Variants in OFD1 observed in about 807,000 individuals in gnomAD.
OFD1 encodes centriole and centriolar satellite protein OFD1.
A neutral mutation model predicts 81.4 loss-of-function variants in OFD1; 12 were observed. The ratio of observed to expected loss-of-function variants is 0.15; its 90% CI spans 0.09 to 0.24. The LOEUF is 0.24. Ranked by LOEUF, OFD1 falls within the 10% of genes least tolerant of loss-of-function variation. The pLI is 1.00. For synonymous variants in OFD1, 256 were observed against 263.7 expected (o/e 0.97, Z 0.28); for missense variants, 685 against 733.9 (o/e 0.93, Z 0.77).
chrX:13,747,668 GGAA>G (rs1353263030), intron 8 of OFD1, among the ~76,000 whole-genome samples: 1 of 111,674 alleles, frequency 9.0e-6, no homozygotes. Flanking sequence ...ACTGGTAGGT[GGAA>G]GAATGAGGAT....
intron 3 of OFD1, 68 bp downstream of exon 3, chrX:13,736,746 G>A: frequency 1.2e-6 from 1 of 844,986 alleles, no homozygotes; most frequent in South Asian, 2.1e-5. Context: ...ACAGTAAAGT[G>A]CTGTATGATA....
rs1024603333 is a variant in OFD1 at position 13,734,783 on chromosome X, G to T, written c.-289G>T. 1 of 1,067,097 alleles carries T rather than the reference G, an allele frequency of 9.4e-7. No individual in the cohort carries two copies. The highest frequency in any genetic ancestry group is 1.9e-5 in the African/African-American group (1 of 52,880). The allele number at this position is 1,067,097 out of a possible 1,213,427, so 87.9% of individuals were successfully genotyped here. On this transcript the variant is annotated 5_prime_UTR_variant, in exon 1 of 23. Coordinates refer to ENST00000340096, the MANE Select transcript of OFD1 (RefSeq NM_003611.3). ...AGGCGGTCCTGCCTCGCTGCCTTCA[G>T]TCCCTAGTGTCTGGGTCCCCGCCCT...
intron 5 of OFD1, chrX:13,740,030 A>T: frequency 7.5e-6 from 7 of 929,516 alleles, no homozygotes; most frequent in Non-Finnish European, 9.5e-6. Flanking sequence ...TCATTTATTC[A>T]TCCATTCATT....
chrX:13,720,106 G>T, the OFD1 span: 1 of 462,877 alleles, frequency 2.2e-6, no homozygotes, highest in Non-Finnish European at 3.3e-6. Flanking sequence ...ATGCTACTAA[G>T]CTTGGCAGTT....
chrX:13,740,654 G>T (rs1367192859), intron 5 of OFD1, among the ~76,000 whole-genome samples: 4 of 109,095 alleles, frequency 3.7e-5, no homozygotes, highest in African/African-American at 1.3e-4. Context: ...TTAGCCAGGC[G>T]TGGTGGTGAG....
At chrX:13,773,217 G>C, downstream of OFD1, 1 of 330,460 alleles carries the variant, frequency 3.0e-6, no homozygotes, top group African/African-American at 2.6e-5. Context: ...GCATTAAAAG[G>C]CTGAAGAAAA....
At chrX:13,755,864 G>A (rs905343204) in intron 12 of OFD1, among the ~76,000 whole-genome samples, 12 of 110,088 alleles carry the variant, frequency 1.1e-4, no homozygotes, top group African/African-American at 4.0e-4. Flanking sequence ...GAACTTTGTA[G>A]GCTTTTTACT....
intron 5 of OFD1, among the ~76,000 whole-genome samples, chrX:13,743,436 T>G (rs1163866451): frequency 8.9e-6 from 1 of 112,538 alleles, no homozygotes; most frequent in South Asian, 3.6e-4. Context: ...ATGTGCAGTG[T>G]GCACCCTTTG....
chrX:13,717,433 A>G, the OFD1 span, among the ~76,000 whole-genome samples: 2 of 112,275 alleles, frequency 1.8e-5, no homozygotes, highest in African/African-American at 6.5e-5. Flanking sequence ...TCTTACTCCA[A>G]TGTAGTTCTT....
Position 13,758,323 on chromosome X carries a change from C to T in OFD1, c.1543-14C>T, listed in dbSNP as rs2147036091. The T allele has an allele frequency of 9.2e-7, 1 of 1,091,361 alleles. No homozygotes were observed. Among genetic ancestry groups the T allele is most frequent in the Non-Finnish European group, 1.3e-6 (1 of 787,006 alleles). 89.9% of individuals were successfully genotyped at this position (1,091,361 alleles called of 1,213,427 possible). A position where few individuals can be genotyped will look rare whatever the true frequency, so the allele number is the denominator to read the frequency against. ...TTTTACATTGATTTCTTTTCCTATT[C>T]TGAATCTTTTCAGATTGAGCATTCT... On this transcript the variant is annotated splice_polypyrimidine_tract_variant and intron_variant, in intron 14 of 22. Coordinates refer to ENST00000340096, the MANE Select transcript of OFD1 (RefSeq NM_003611.3).
At chrX:13,753,136 T>G in intron 10 of OFD1, 1 of 1,017,103 alleles carries the variant, frequency 9.8e-7, no homozygotes, top group Non-Finnish European at 1.3e-6. Flanking sequence ...CGACGCTTCA[T>G]TTTGTGTGAT....
chrX:13,729,576 T>TA, the OFD1 span, among the ~76,000 whole-genome samples: 1 of 112,136 alleles, frequency 8.9e-6, no homozygotes, highest in African/African-American at 3.2e-5. Context: ...ATCCCTTCCT[T>TA]ACACCTTATA....
In OFD1 at chrX:13,767,300, T is replaced by C; in HGVS notation, c.2757+16T>C. Reference sequence around the variant, plus strand: ...TCAGGAAAGGGTAATAAGTATGACTTGATTCTCTGAACTGGTTGCTCCATT... The same window carrying C: ...TCAGGAAAGGGTAATAAGTATGACTCGATTCTCTGAACTGGTTGCTCCATT... On this transcript the variant is annotated intron_variant, in intron 20 of 22. Transcript: ENST00000340096. The C allele has an allele frequency of 8.3e-7, 1 of 1,207,140 alleles. No homozygotes were observed. Among genetic ancestry groups the C allele is most frequent in the Middle Eastern group, 2.3e-4 (1 of 4,346 alleles).
Position 13,753,451 on chromosome X carries a change from G to T in OFD1, c.1129+10G>T. On this transcript the variant is annotated intron_variant, in intron 11 of 22. Transcript: ENST00000340096. Reference sequence around the variant, plus strand: ...GAAAGGAAGAATAAAGGTGATGTTTGGGGGGAAAATAAGCTGTATTTTTCA... The same window carrying T: ...GAAAGGAAGAATAAAGGTGATGTTTTGGGGGAAAATAAGCTGTATTTTTCA... 2.5e-6 allele frequency: 3 copies of T among 1,207,456 alleles called. No homozygotes were observed. The highest frequency in any genetic ancestry group is 3.0e-5 in the East Asian group (1 of 33,792).
rs768768913 is a variant in OFD1 at position 13,736,465 on chromosome X, T to C, written c.112-13T>C. 1.7e-6 allele frequency: 2 copies of C among 1,205,294 alleles called. No homozygotes were observed. The highest frequency in any genetic ancestry group is 3.0e-5 in the East Asian group (1 of 33,766). On this transcript the variant is annotated splice_polypyrimidine_tract_variant and intron_variant, in intron 2 of 22. Transcript: ENST00000340096. ...TGTGTTTCTTTTTTATTTTTGTTTT[T>C]ATTTTATGCTAGACACAACTTCGAA... is the stretch of plus-strand genomic sequence containing the variant.
Position 13,750,401 on chromosome X carries a change from A to G in OFD1, c.936-848A>G, listed in dbSNP as rs143258347. On this transcript the variant is annotated intron_variant, in intron 9 of 22. Coordinates refer to ENST00000340096, the MANE Select transcript of OFD1 (RefSeq NM_003611.3). ...TCCAGATTACCAGCAGAGGGAGCTA[A>G]TACCTAGAGCCTTTACCTGTTCTTA... Among the ~76,000 whole-genome samples, 377 of 111,621 alleles carry G rather than the reference A, an allele frequency of 3.4e-3. 1 individual carries two copies. The highest frequency in any genetic ancestry group is 0.012 in the African/African-American group (362 of 30,659).
downstream of OFD1, among the ~76,000 whole-genome samples, chrX:13,770,649 T>C (rs532563081): frequency 8.9e-6 from 1 of 112,381 alleles, no homozygotes; most frequent in Admixed American, 9.4e-5. Flanking sequence ...GTTTAAGCTT[T>C]GTTGATCCTA....
intron 2 of OFD1, 134 bp downstream of exon 2, chrX:13,735,480 C>G: frequency 1.9e-6 from 1 of 532,845 alleles, no homozygotes; most frequent in East Asian, 3.6e-5. Flanking sequence ...TTTTTATATT[C>G]CCGAATAACT....
At chrX:13,715,017 G>A in the OFD1 span, among the ~76,000 whole-genome samples, 1 of 112,318 alleles carries the variant, frequency 8.9e-6, no homozygotes, top group Admixed American at 9.4e-5. Flanking sequence ...TCACTAATGA[G>A]GAAAGGCATT....
Sources: allele counts gnomAD v4.1 joint callset (sites outside exome capture counted in the v4.1 genomes callset), GRCh38; gene constraint gnomAD v4.1.1; transcripts MANE v1.5; gene names NCBI Gene and HGNC (gene_info 2026-07-23, HGNC 2026-07-21).